PLEKHD1: variants seen among roughly 807,000 people sequenced by gnomAD.
PLEKHD1 encodes the protein pleckstrin homology and coiled-coil domain containing D1.
A neutral mutation model predicts 69.2 loss-of-function variants in PLEKHD1; 51 were observed. The ratio of observed to expected loss-of-function variants is 0.74; its 90% CI spans 0.59 to 0.93. The LOEUF (loss-of-function observed/expected upper bound fraction) is 0.93. Among genes scored for constraint, PLEKHD1 ranks in the 40% least tolerant of loss-of-function variants. The pLI is 0.00. For missense variants in PLEKHD1, 584 were observed against 641.0 expected (o/e 0.91, Z 0.96); for synonymous variants, 236 against 244.7 (o/e 0.96, Z 0.33).
intron 6 of PLEKHD1, among the ~76,000 whole-genome samples, chr14:69,508,288 C>G (rs919347515): frequency 1.3e-5 from 2 of 151,932 alleles, no homozygotes; most frequent in African/African-American, 4.8e-5. Context: ...TGCCTATAAT[C>G]CCAGCTACTT....
chr14:69,526,548 C>G (rs1010965434), intron 9 of PLEKHD1, 149 bp from the exon 10 acceptor site: 5 of 899,068 alleles, frequency 5.6e-6, no homozygotes, highest in Non-Finnish European at 7.9e-6. Flanking sequence ...AATCTCATCC[C>G]CTGGGTGCCT....
chr14:69,527,807 A>G lies in PLEKHD1; in HGVS notation c.1226A>G (p.Asn409Ser). The stretch of plus-strand genomic sequence containing the variant: ...GGGTTCTTTGAGGAGTGCATCCGGA[A>G]TGCCGAGCTGGAGGCCAAGATGCCT... Reference protein sequence around the residue: ...LKRFFEECIRNAELEAKMPVI... With the variant: ...LKRFFEECIRSAELEAKMPVI... Residue 409 changes from asparagine (N) to serine (S), a missense_variant, in exon 12 of 13, where the codon AAT becomes AGT. Coordinates refer to ENST00000322564, the MANE Select transcript of PLEKHD1 (RefSeq NM_001161498.2). The G allele has an allele frequency of 6.4e-7, 1 of 1,551,506 alleles. No homozygotes were observed. Among genetic ancestry groups the G allele is most frequent in the Non-Finnish European group, 8.7e-7 (1 of 1,146,994 alleles).
At chr14:69,501,198 T>A (rs935700039) in intron 4 of PLEKHD1, 1 of 560,098 alleles carries the variant, frequency 1.8e-6, no homozygotes, top group Admixed American at 3.1e-5. Context: ...TCTTGGGAGT[T>A]GTATTTGATG....
rs76544076 is a variant in PLEKHD1, at chr14:69,506,411, C to A, written c.555+3532C>A. On this transcript the variant is annotated intron_variant, in intron 6 of 12. Transcript: ENST00000322564. Reference sequence around the variant, plus strand: ...AAGCCATGCTGGGCTTCAGGAACAGCAAGTTCTGGCTGCTCCAGGTTTATA... The same window carrying A: ...AAGCCATGCTGGGCTTCAGGAACAGAAAGTTCTGGCTGCTCCAGGTTTATA... Among the ~76,000 whole-genome samples, 355 of 152,330 alleles carry A rather than the reference C, an allele frequency of 2.3e-3. 1 individual carries two copies. The highest frequency in any genetic ancestry group is 8.2e-3 in the African/African-American group (342 of 41,570).
In PLEKHD1 at chr14:69,484,840, C is replaced by T. The variant is rs952778608; in HGVS notation, c.-126C>T. ...CGCGCTTTGATGCTGCAGCTCCGGG[C>T]CGGGCCGCTCTGCTTCTCTGCTCGC... On this transcript the variant is annotated 5_prime_UTR_variant, in exon 1 of 13. Transcript: ENST00000322564. 4.3e-6 allele frequency: 5 copies of T among 1,171,964 alleles called. No homozygotes were observed. Among genetic ancestry groups the T allele is most frequent in the Non-Finnish European group, 5.9e-6 (5 of 848,436 alleles). 72.6% of individuals were successfully genotyped at this position (1,171,964 alleles called of 1,614,324 possible).
chr14:69,473,100 T>C, the PLEKHD1 span, among the ~76,000 whole-genome samples: 2 of 152,264 alleles, frequency 1.3e-5, no homozygotes, highest in African/African-American at 4.8e-5. Context: ...TTATGGTGAG[T>C]TGTATAATTA....
chr14:69,504,361 C>T (rs997439817), intron 6 of PLEKHD1, among the ~76,000 whole-genome samples: 1 of 152,194 alleles, frequency 6.6e-6, no homozygotes, highest in African/African-American at 2.4e-5. Flanking sequence ...AGGGCAGGGG[C>T]TATCAGCCTT....
At chr14:69,517,337 A>T (rs1883407306) in intron 6 of PLEKHD1, among the ~76,000 whole-genome samples, 1 of 152,152 alleles carries the variant, frequency 6.6e-6, no homozygotes, top group Non-Finnish European at 1.5e-5. Flanking sequence ...TGTGTTTATG[A>T]TATCTTTGGA....
chr14:69,469,409 C>CT, the PLEKHD1 span, among the ~76,000 whole-genome samples: 12,353 of 145,986 alleles, frequency 0.085, 502 homozygotes, highest in African/African-American at 0.11. Context: ...AGTTGTTTCT[C>CT]TTTTTTTTTT....
At chr14:69,495,145 C>T (rs1882859586) in intron 1 of PLEKHD1, among the ~76,000 whole-genome samples, 1 of 152,202 alleles carries the variant, frequency 6.6e-6, no homozygotes, top group African/African-American at 2.4e-5. Flanking sequence ...CCTTCCCCTG[C>T]CCCTCTTTAT....
intron 1 of PLEKHD1, 66 bp from the exon 2 acceptor site, chr14:69,500,049 T>C (rs1322083211): frequency 8.4e-7 from 1 of 1,185,362 alleles, no homozygotes; most frequent in Non-Finnish European, 1.2e-6. Flanking sequence ...AAGGGTGCTC[T>C]TGTTGTCCCA....
At chr14:69,526,145 A>C in intron 9 of PLEKHD1, 23 bp downstream of exon 9, 2 of 1,536,104 alleles carry the variant, frequency 1.3e-6, no homozygotes, top group South Asian at 1.2e-5. Context: ...CGACCCCTGA[A>C]GACACCATTG....
chr14:69,524,435 G>A (rs995706836), intron 8 of PLEKHD1, 113 bp downstream of exon 8: 9 of 880,838 alleles, frequency 1.0e-5, no homozygotes, highest in African/African-American at 6.6e-5. Flanking sequence ...AGAGAAATGG[G>A]CATGGAGGGG....
intron 6 of PLEKHD1, among the ~76,000 whole-genome samples, chr14:69,513,742 T>TC (rs944967585): frequency 6.6e-6 from 1 of 152,212 alleles, no homozygotes; most frequent in African/African-American, 2.4e-5. Context: ...ATTTTCCTTC[T>TC]CCCTGAGGAC....
At chr14:69,480,360 C>T (rs77806444), upstream of PLEKHD1, among the ~76,000 whole-genome samples, 1,070 of 152,326 alleles carry the variant, frequency 7.0e-3, 8 homozygotes, top group African/African-American at 0.024. Context: ...AGACAGATGC[C>T]GGTGCTGAAG....
chr14:69,470,451 C>CAAAAAAAAA, the PLEKHD1 span, among the ~76,000 whole-genome samples: 1 of 120,740 alleles, frequency 8.3e-6, no homozygotes. Context: ...TGACAGAGAT[C>CAAAAAAAAA]AAAAAAAAAA....
chr14:69,479,926 T>C (rs1459719484), upstream of PLEKHD1, among the ~76,000 whole-genome samples: 1 of 152,122 alleles, frequency 6.6e-6, no homozygotes, highest in African/African-American at 2.4e-5. Flanking sequence ...CTCCATTTGT[T>C]TGGCAAATTG....
intron 6 of PLEKHD1, among the ~76,000 whole-genome samples, chr14:69,518,714 T>G (rs546154165): frequency 9.9e-5 from 15 of 152,124 alleles, no homozygotes; most frequent in Non-Finnish European, 1.5e-4. Context: ...GAGGACAGAA[T>G]TGCTCTTTTA....
chr14:69,478,814 G>A, the PLEKHD1 span, among the ~76,000 whole-genome samples: 2 of 152,098 alleles, frequency 1.3e-5, no homozygotes, highest in Admixed American at 6.5e-5. Context: ...ACATTTTCCT[G>A]TCTTCTTCTG....
Sources: allele counts gnomAD v4.1 joint callset (sites outside exome capture counted in the v4.1 genomes callset), GRCh38; gene constraint gnomAD v4.1.1; transcripts MANE v1.5; gene names NCBI Gene and HGNC (gene_info 2026-07-23, HGNC 2026-07-21).